BIN2: variants seen among roughly 807,000 people sequenced by gnomAD.
The protein encoded by BIN2 is breast cancer associated protein BRAP1.
Under a neutral mutation model 67.9 loss-of-function variants are expected in BIN2, and 43 were observed. That is an observed-to-expected ratio of 0.63 (90% CI 0.50 to 0.82). BIN2 has a LOEUF of 0.82. Ranked by LOEUF, BIN2 falls within the 40% of genes least tolerant of loss-of-function variation. The pLI is 0.00. For synonymous variants in BIN2, 244 were observed against 246.8 expected, an observed-to-expected ratio of 0.99 and a Z score of 0.11; for missense variants, 581 against 671.6, an observed-to-expected ratio of 0.87 and a Z score of 1.49.
rs1378337402 is a variant in BIN2 at position 51,293,417 on chromosome 12, C to T, written c.762-1073G>A. ...CTCTGACTCCCGGGTTCATGCCATTCTCCTGCCTCAGCCTCCCGAGTAGCT... is the reference window on the plus strand; with the variant it reads ...CTCTGACTCCCGGGTTCATGCCATTTTCCTGCCTCAGCCTCCCGAGTAGCT... On this transcript the variant is annotated intron_variant, in intron 9 of 12. Transcript: ENST00000615107. 3.3e-5 allele frequency among the ~76,000 whole-genome samples: 5 copies of T among 152,284 alleles called. No individual in the cohort carries two copies. The East Asian group carries it at 9.6e-4, about 29-fold the overall frequency.
intron 4 of BIN2, chr12:51,302,443 T>C: frequency 1.9e-6 from 1 of 538,636 alleles, no homozygotes; most frequent in South Asian, 2.3e-5. Context: ...GAGGTAAAAC[T>C]TCCCATAATG....
chr12:51,321,188 A>T (rs762251893), intron 1 of BIN2, among the ~76,000 whole-genome samples: 7 of 152,184 alleles, frequency 4.6e-5, no homozygotes, highest in Non-Finnish European at 1.0e-4. Flanking sequence ...GTGGCTTATC[A>T]GGAACGTTGT....
At chr12:51,290,143 A>G (rs1338773161) in intron 10 of BIN2, among the ~76,000 whole-genome samples, 1 of 150,954 alleles carries the variant, frequency 6.6e-6, no homozygotes, top group African/African-American at 2.4e-5. Context: ...TCTTTGAGAC[A>G]CAGTCTCACT....
In BIN2 at chr12:51,324,131, T is replaced by C. The variant is rs555513164; in HGVS notation, c.-29A>G. 2.5e-6 allele frequency: 4 copies of C among 1,610,420 alleles called. No homozygotes were observed. The South Asian group carries it at 4.4e-5, about 18-fold the overall frequency. ...GCCAACTCCCTGGGGGCCGCCGCCC[T>C]GGCCCCGCGCCCTGTGGTTTTCTGA... On this transcript the variant is annotated 5_prime_UTR_variant, in exon 1 of 13. Coordinates refer to ENST00000615107, the MANE Select transcript of BIN2 (RefSeq NM_016293.4).
At chr12:51,310,544 G>A (rs1028022566) in intron 2 of BIN2, among the ~76,000 whole-genome samples, 1 of 152,066 alleles carries the variant, frequency 6.6e-6, no homozygotes, top group Non-Finnish European at 1.5e-5. Context: ...TATTTAATCT[G>A]AAATATCTGA....
rs565365113 is a variant in BIN2 at position 51,292,746 on chromosome 12, A to G, written c.762-402T>C. ...ATTGGAGATGCCCAAGTGGTGAAGA[A>G]TGAGTTGCCTGGCACGCACTTTCCA... On this transcript the variant is annotated intron_variant, in intron 9 of 12. Transcript: ENST00000615107. 5.9e-5 allele frequency among the ~76,000 whole-genome samples: 9 copies of G among 152,292 alleles called. No individual in the cohort carries two copies. In the South Asian group the frequency reaches 1.9e-3, roughly 32 times the overall value.
At chr12:51,306,835 T>C (rs1239137772) in intron 2 of BIN2, among the ~76,000 whole-genome samples, 2 of 152,214 alleles carry the variant, frequency 1.3e-5, no homozygotes, top group Non-Finnish European at 2.9e-5. Context: ...TCCTTGCTTT[T>C]TCATTTATAG....
intron 11 of BIN2, among the ~76,000 whole-genome samples, chr12:51,285,414 C>T (rs1016177384): frequency 6.6e-6 from 1 of 151,800 alleles, no homozygotes; most frequent in Non-Finnish European, 1.5e-5. Context: ...CCTGTGAATA[C>T]CCACTGCACT....
Position 51,285,621 on chromosome 12 carries a change from T to C in BIN2, c.1597-834A>G, listed in dbSNP as rs1437824451. Among the ~76,000 whole-genome samples, 3 of 116,966 alleles carry C rather than the reference T, an allele frequency of 2.6e-5. No individual in the cohort carries two copies. The Admixed American group carries it at 2.8e-4, about 11-fold the overall frequency. The allele number at this position is 116,966 out of a possible 152,430, so 76.7% of individuals were successfully genotyped here. Reference sequence around the variant, plus strand: ...ACCAATTTCTTTTTAATTTTTTCTTTCTTTCTTTTTTTTTTTTTTTGAGAA... The same window carrying C: ...ACCAATTTCTTTTTAATTTTTTCTTCCTTTCTTTTTTTTTTTTTTTGAGAA... On this transcript the variant is annotated intron_variant, in intron 11 of 12. Transcript: ENST00000615107.
chr12:51,282,861 C>T (rs1174987709), intron 12 of BIN2, among the ~76,000 whole-genome samples: 3 of 151,976 alleles, frequency 2.0e-5, no homozygotes, highest in Non-Finnish European at 4.4e-5. Flanking sequence ...GCCTCAGCCT[C>T]CCAAAGTGCT....
intron 12 of BIN2, among the ~76,000 whole-genome samples, chr12:51,283,173 C>T (rs1486438203): frequency 1.3e-5 from 2 of 150,200 alleles, no homozygotes; most frequent in African/African-American, 4.9e-5. Flanking sequence ...AGGAGAATCG[C>T]TTGAACCCAG....
chr12:51,294,660 TACATTTA>T (rs1945487135), intron 9 of BIN2, among the ~76,000 whole-genome samples: 1 of 12,944 alleles, frequency 7.7e-5, no homozygotes, highest in African/African-American at 9.9e-5. Context: ...GTGTGCATGT[TACATTTA>T]GTATTACATT....
intron 1 of BIN2, chr12:51,322,450 G>T: frequency 6.6e-6 from 1 of 152,162 alleles, no homozygotes; most frequent in South Asian, 2.0e-4. Context: ...AGTGTGGTGT[G>T]GTGTGATCAC....
chr12:51,295,766 C>A, intron 9 of BIN2, 30 bp downstream of exon 9: 2 of 1,597,746 alleles, frequency 1.3e-6, no homozygotes, highest in Non-Finnish European at 1.7e-6. Flanking sequence ...ACAGGACAAG[C>A]GAAGCAAAAA....
rs1945114428 is a variant in BIN2, at chr12:51,281,274, A to T, written c.*225T>A. 5 of 580,772 alleles carry T rather than the reference A, an allele frequency of 8.6e-6. No homozygotes were observed. The East Asian group carries it at 1.4e-4, about 16-fold the overall frequency. The allele number at this position is 580,772 out of a possible 1,614,324, so 36.0% of individuals were successfully genotyped here. A position where few individuals can be genotyped will look rare whatever the true frequency, so the allele number is the denominator to read the frequency against. Reference sequence around the variant, plus strand: ...CTAATAATGCTAAAACCAGAATTAAATATTCCCTGAGTCTAATGTTCTCTT... The same window carrying T: ...CTAATAATGCTAAAACCAGAATTAATTATTCCCTGAGTCTAATGTTCTCTT... On this transcript the variant is annotated 3_prime_UTR_variant, in exon 13 of 13. Coordinates refer to ENST00000615107, the MANE Select transcript of BIN2 (RefSeq NM_016293.4).
intron 7 of BIN2, among the ~76,000 whole-genome samples, 167 bp downstream of exon 7, chr12:51,299,035 AC>A (rs1369821829): frequency 6.6e-6 from 1 of 150,530 alleles, no homozygotes; most frequent in Non-Finnish European, 1.5e-5. Context: ...ATTGAGTGCT[AC>A]TGCACTCTAG....
chr12:51,290,919 C>T (rs150637128), intron 10 of BIN2, among the ~76,000 whole-genome samples: 13,156 of 147,482 alleles, frequency 0.089, 604 homozygotes, highest in Non-Finnish European at 0.11. Flanking sequence ...GGCGACAGAG[C>T]GAGACTCCGT....
chr12:51,286,104 C>T (rs1411421396), intron 11 of BIN2, among the ~76,000 whole-genome samples: 1 of 152,084 alleles, frequency 6.6e-6, no homozygotes, highest in Non-Finnish European at 1.5e-5. Flanking sequence ...TAAGCAAGAA[C>T]AGATTTTTTC....
rs560574125 is a variant in BIN2 at position 51,318,479 on chromosome 12, C to T, written c.82-4576G>A. 3.9e-3 allele frequency among the ~76,000 whole-genome samples: 593 copies of T among 152,292 alleles called. 5 individuals carry two copies. Among genetic ancestry groups the T allele is most frequent in the Non-Finnish European group, 7.0e-3 (479 of 68,022 alleles). On this transcript the variant is annotated intron_variant, in intron 1 of 12. Coordinates refer to ENST00000615107, the MANE Select transcript of BIN2 (RefSeq NM_016293.4). The stretch of plus-strand genomic sequence containing the variant: ...GTTTCGCCATGTTGGCCAGGCTGGT[C>T]TTGAATTCCTGACCTCAGGTGATCT...
Sources: allele counts gnomAD v4.1 joint callset (sites outside exome capture counted in the v4.1 genomes callset), GRCh38; gene constraint gnomAD v4.1.1; transcripts MANE v1.5; gene names NCBI Gene and HGNC (gene_info 2026-07-23, HGNC 2026-07-21).